Variants in GNA14 observed in about 807,000 individuals in gnomAD.
GNA14 encodes G protein subunit alpha 14, also known as guanine nucleotide-binding protein subunit alpha-14.
A neutral mutation model predicts 42.0 loss-of-function variants in GNA14; 50 were observed. That is an observed-to-expected ratio of 1.19 (90% CI 0.95 to 1.51). GNA14 has a LOEUF of 1.51. Among genes scored for constraint, GNA14 ranks in the 40% most tolerant of loss-of-function variants. GNA14 has a pLI of 0.00. For missense variants in GNA14, 473 were observed against 446.2 expected (o/e 1.06, Z -0.54); for synonymous variants, 173 against 163.1 (o/e 1.06, Z -0.46).
At chr9:77,647,565 C>T in intron 1 of GNA14, 105 bp downstream of exon 1, 1 of 1,323,778 alleles carries the variant, frequency 7.6e-7, no homozygotes, top group Non-Finnish European at 1.0e-6. Context: ...CGAAGCCGCC[C>T]TGCACCCCGC....
At chr9:77,598,551 T>C (rs1192843436) in intron 1 of GNA14, among the ~76,000 whole-genome samples, 1 of 152,194 alleles carries the variant, frequency 6.6e-6, no homozygotes, top group African/African-American at 2.4e-5. Flanking sequence ...CCTCTGCTCA[T>C]GAACACATCA....
chr9:77,437,152 G>A (rs1047715284), intron 2 of GNA14, among the ~76,000 whole-genome samples: 1 of 152,214 alleles, frequency 6.6e-6, no homozygotes, highest in African/African-American at 2.4e-5. Flanking sequence ...CATCAGGGCT[G>A]TAACAAATGC....
At chr9:77,606,697 T>C (rs1315863844) in intron 1 of GNA14, among the ~76,000 whole-genome samples, 1 of 152,128 alleles carries the variant, frequency 6.6e-6, no homozygotes, top group African/African-American at 2.4e-5. Flanking sequence ...TTGTGGATTG[T>C]TGTGAAAGGA....
chr9:77,525,639 C>T (rs1024104522), intron 2 of GNA14, among the ~76,000 whole-genome samples: 6 of 150,900 alleles, frequency 4.0e-5, no homozygotes, highest in African/African-American at 1.5e-4. Flanking sequence ...CCCAGGTTCA[C>T]GCCATTCTCC....
In GNA14 at chr9:77,497,343, G is replaced by A. The variant is rs145478239; in HGVS notation, c.309+31726C>T. Among the ~76,000 whole-genome samples, 633 of 152,270 alleles carry A rather than the reference G, an allele frequency of 4.2e-3. 7 individuals carry two copies. The highest frequency in any genetic ancestry group is 5.2e-3 in the Non-Finnish European group (356 of 68,026). On this transcript the variant is annotated intron_variant, in intron 2 of 6. Coordinates refer to ENST00000341700, the MANE Select transcript of GNA14 (RefSeq NM_004297.4). ...GACATTGCATCTCTGGGGAGATGGT[G>A]ACCACACTAGACCAACAGTCAGATA...
intron 2 of GNA14, among the ~76,000 whole-genome samples, chr9:77,513,955 C>CT (rs35341734): frequency 0.082 from 12,110 of 147,976 alleles, 518 homozygotes; most frequent in East Asian, 0.15. Context: ...CCCTTCAGCA[C>CT]TTTTTTTTTT....
At chr9:77,624,926 G>A (rs1398858434) in intron 1 of GNA14, among the ~76,000 whole-genome samples, 1 of 151,918 alleles carries the variant, frequency 6.6e-6, no homozygotes, top group African/African-American at 2.4e-5. Flanking sequence ...ACCGAAGTAG[G>A]CTTCAGAAGG....
intron 1 of GNA14, among the ~76,000 whole-genome samples, chr9:77,556,690 G>C (rs546676905): frequency 1.3e-5 from 2 of 151,958 alleles, no homozygotes; most frequent in Non-Finnish European, 2.9e-5. Context: ...TCAGAAGCTT[G>C]CTTGGAAATT....
chr9:77,513,365 C>G lies in GNA14; in HGVS notation c.309+15704G>C, dbSNP rs146381360. Among the ~76,000 whole-genome samples the G allele has an allele frequency of 3.3e-5, 5 of 152,294 alleles. No individual in the cohort carries two copies. In the East Asian group the frequency reaches 5.8e-4, roughly 18 times the overall value. On this transcript the variant is annotated intron_variant, in intron 2 of 6. Coordinates refer to ENST00000341700, the MANE Select transcript of GNA14 (RefSeq NM_004297.4). ...TGTGTGATCTTGGGAAAGTTATTTACCTCCACAAACCTTAGTGCCTGTATC... is the reference window on the plus strand; with the variant it reads ...TGTGTGATCTTGGGAAAGTTATTTAGCTCCACAAACCTTAGTGCCTGTATC...
chr9:77,446,771 C>T (rs952335265), intron 2 of GNA14, among the ~76,000 whole-genome samples: 13 of 152,168 alleles, frequency 8.5e-5, no homozygotes, highest in Admixed American at 8.5e-4. Context: ...TTTGCTAAGC[C>T]ACTGAGGTTG....
At chr9:77,636,996 T>C (rs1019101552) in intron 1 of GNA14, among the ~76,000 whole-genome samples, 7 of 152,212 alleles carry the variant, frequency 4.6e-5, no homozygotes, top group South Asian at 2.1e-4. Context: ...CATAAGATCA[T>C]TGCAGTTTTT....
At chr9:77,466,287 T>G (rs1292628018) in intron 2 of GNA14, among the ~76,000 whole-genome samples, 1 of 152,068 alleles carries the variant, frequency 6.6e-6, no homozygotes. Context: ...TCTGAGACCA[T>G]GCTTCCTTTT....
chr9:77,531,523 G>A (rs1338175936), intron 1 of GNA14, among the ~76,000 whole-genome samples: 2 of 152,078 alleles, frequency 1.3e-5, no homozygotes, highest in Non-Finnish European at 2.9e-5. Flanking sequence ...CTGCCACGTC[G>A]GTCTCTTATT....
chr9:77,538,561 G>A (rs1416648494), intron 1 of GNA14, among the ~76,000 whole-genome samples: 1 of 152,142 alleles, frequency 6.6e-6, no homozygotes, highest in African/African-American at 2.4e-5. Flanking sequence ...TCCAATCCAT[G>A]AGCATGGATG....
intron 2 of GNA14, among the ~76,000 whole-genome samples, chr9:77,489,178 G>A (rs897055940): frequency 1.3e-5 from 2 of 151,802 alleles, no homozygotes; most frequent in African/African-American, 4.8e-5. Context: ...ATCAAGCAGA[G>A]GAAAGAATGA....
chr9:77,584,439 T>C (rs1823270095), intron 1 of GNA14, among the ~76,000 whole-genome samples: 1 of 152,170 alleles, frequency 6.6e-6, no homozygotes, highest in Admixed American at 6.5e-5. Context: ...TTGCCTTTCC[T>C]TTCACCAGAG....
intron 1 of GNA14, among the ~76,000 whole-genome samples, chr9:77,614,788 A>G (rs1823784270): frequency 6.6e-6 from 1 of 152,180 alleles, no homozygotes; most frequent in South Asian, 2.1e-4. Flanking sequence ...TCAGTTCATT[A>G]GCATTCTCTC....
At chr9:77,573,885 G>T (rs969060728) in intron 1 of GNA14, among the ~76,000 whole-genome samples, 74 of 152,130 alleles carry the variant, frequency 4.9e-4, no homozygotes, top group African/African-American at 1.8e-3. Context: ...GAGAGAAGGT[G>T]GCATATAAGG....
intron 2 of GNA14, among the ~76,000 whole-genome samples, chr9:77,485,590 T>G (rs1264811675): frequency 6.6e-6 from 1 of 152,178 alleles, no homozygotes; most frequent in African/African-American, 2.4e-5. Context: ...GAGAAGTCAC[T>G]ATCTATGACA....
Sources: gnomAD v4.1 joint callset for allele counts (sites outside exome capture counted in the v4.1 genomes callset) on GRCh38, gnomAD v4.1.1 for gene constraint, MANE v1.5 for transcripts, NCBI Gene and HGNC (gene_info 2026-07-23, HGNC 2026-07-21) for gene names.